Variants in ZNRF1 observed in about 807,000 individuals in gnomAD.
ZNRF1 encodes the protein zinc and ring finger 1, also known as E3 ubiquitin-protein ligase ZNRF1.
In ZNRF1, 3 loss-of-function variants were observed where a neutral mutation model predicts 18.4. The ratio of observed to expected loss-of-function variants is 0.16; its 90% CI spans 0.07 to 0.42. ZNRF1 has a LOEUF of 0.42. ZNRF1 is among the 10% of genes least tolerant of loss of function. ZNRF1 has a pLI of 0.99. For synonymous variants in ZNRF1, 157 were observed against 144.2 expected, an observed-to-expected ratio of 1.09 and a Z score of -0.64; for missense variants, 310 against 329.8, an observed-to-expected ratio of 0.94 and a Z score of 0.47.
intron 1 of ZNRF1, among the ~76,000 whole-genome samples, chr16:75,078,167 C>A (rs73614091): frequency 6.6e-6 from 1 of 151,990 alleles, no homozygotes; most frequent in Non-Finnish European, 1.5e-5. Context: ...AGGAAATTGC[C>A]CTTGGTCACA....
chr16:75,107,452 A>G (rs1332229306), intron 4 of ZNRF1: 3 of 291,314 alleles, frequency 1.0e-5, no homozygotes, highest in African/African-American at 6.8e-5. Flanking sequence ...GTAAACTCCC[A>G]GAACAGCTGA....
chr16:75,072,315 A>G (rs890844248), intron 1 of ZNRF1, among the ~76,000 whole-genome samples: 2 of 152,084 alleles, frequency 1.3e-5, no homozygotes, highest in African/African-American at 4.8e-5. Flanking sequence ...TCTTAAAAGA[A>G]TGCTTTCCTC....
intron 1 of ZNRF1, among the ~76,000 whole-genome samples, chr16:75,080,365 G>C (rs980298822): frequency 6.6e-6 from 1 of 152,220 alleles, no homozygotes; most frequent in Non-Finnish European, 1.5e-5. Context: ...TACAGTGCAA[G>C]GCAAATGGTT....
chr16:75,025,433 C>T (rs2035208514), intron 1 of ZNRF1, among the ~76,000 whole-genome samples: 2 of 152,102 alleles, frequency 1.3e-5, no homozygotes, highest in Non-Finnish European at 2.9e-5. Context: ...GAAATCTATT[C>T]ACAGCACACT....
rs1176169533 is a variant in ZNRF1, at chr16:75,103,769, G to A, written c.521-1015G>A. Among the ~76,000 whole-genome samples the A allele has an allele frequency of 2.0e-5, 3 of 152,174 alleles. No individual in the cohort carries two copies. The East Asian group carries it at 5.8e-4, about 29-fold the overall frequency. ...TGGGAGGCCAAGGTGGGTGGATCAC[G>A]AGGTCAGGAGTTCGAGACCAGCCCG... On this transcript the variant is annotated intron_variant, in intron 2 of 4. Transcript: ENST00000335325.
chr16:75,107,385 C>G (rs1486479520), intron 4 of ZNRF1: 7 of 212,146 alleles, frequency 3.3e-5, no homozygotes, highest in African/African-American at 1.7e-4. Flanking sequence ...TTCCCCCCTC[C>G]CTTTCTCTCT....
intron 1 of ZNRF1, among the ~76,000 whole-genome samples, chr16:75,065,503 C>T (rs1162151903): frequency 3.3e-5 from 5 of 152,122 alleles, no homozygotes; most frequent in African/African-American, 1.2e-4. Context: ...AGGTGTGGGG[C>T]GACTTGTTTT....
intron 1 of ZNRF1, among the ~76,000 whole-genome samples, chr16:75,065,584 G>C (rs914090386): frequency 6.6e-6 from 1 of 152,106 alleles, no homozygotes; most frequent in Non-Finnish European, 1.5e-5. Flanking sequence ...AAAGTTAAAG[G>C]TCTTATCCCT....
intron 1 of ZNRF1, among the ~76,000 whole-genome samples, chr16:75,011,435 G>C (rs1360199896): frequency 1.3e-5 from 2 of 152,018 alleles, no homozygotes; most frequent in Non-Finnish European, 2.9e-5. Context: ...GTCTCACTAT[G>C]TTGCCCAGGC....
At chr16:75,057,646 T>G (rs55665705) in intron 1 of ZNRF1, among the ~76,000 whole-genome samples, 4,614 of 152,240 alleles carry the variant, frequency 0.03, 201 homozygotes, top group African/African-American at 0.098. Context: ...TATTTTTCAT[T>G]TTTATTTTTT....
chr16:75,022,682 C>T (rs1036935331), intron 1 of ZNRF1, among the ~76,000 whole-genome samples: 2 of 152,218 alleles, frequency 1.3e-5, no homozygotes, highest in South Asian at 4.1e-4. Flanking sequence ...GCCACATTTT[C>T]AGTGCTCGGT....
In ZNRF1 at chr16:74,999,230, CG is replaced by C. The variant is rs2034799964; in HGVS notation, c.-437del. The C allele has an allele frequency of 6.8e-6, 1 of 146,932 alleles. No homozygotes were observed. The highest frequency in any genetic ancestry group is 1.5e-5 in the Non-Finnish European group (1 of 66,110). The allele number at this position is 146,932 out of a possible 1,614,324, so 9.1% of individuals were successfully genotyped here. On this transcript the variant is annotated 5_prime_UTR_variant, in exon 1 of 5. Coordinates refer to ENST00000335325, the MANE Select transcript of ZNRF1 (RefSeq NM_032268.5). ...CGTCCATGGTCGCGGCGTCCTGAGG[CG>C]GGGGACGCGCCCGGCGCCCCCGGCC...
At position 75,108,572 on chromosome 16, in the gene ZNRF1, A is replaced by G. The variant is rs2036343740; in HGVS notation, c.*872A>G. Reference sequence around the variant, plus strand: ...TTCACACGTGGCATCAGCCCATGCAAGATAGGTTTCTGTATTTATATATTA... The same window carrying G: ...TTCACACGTGGCATCAGCCCATGCAGGATAGGTTTCTGTATTTATATATTA... On this transcript the variant is annotated 3_prime_UTR_variant, in exon 5 of 5. Transcript: ENST00000335325. 2.5e-6 allele frequency: 1 copy of G among 398,792 alleles called. No individual in the cohort carries two copies. Among genetic ancestry groups the G allele is most frequent in the South Asian group, 1.3e-4 (1 of 7,864 alleles). The allele number at this position is 398,792 out of a possible 1,614,324, so 24.7% of individuals were successfully genotyped here.
intron 1 of ZNRF1, among the ~76,000 whole-genome samples, chr16:75,018,374 A>G (rs975939262): frequency 1.3e-5 from 2 of 152,166 alleles, no homozygotes; most frequent in African/African-American, 4.8e-5. Flanking sequence ...GCAAATAATG[A>G]CTGTTTTGTT....
At chr16:75,036,527 A>T (rs2035377566) in intron 1 of ZNRF1, among the ~76,000 whole-genome samples, 1 of 150,090 alleles carries the variant, frequency 6.7e-6, no homozygotes, top group Non-Finnish European at 1.5e-5. Flanking sequence ...TAAATTAATT[A>T]TCTTGCTTAT....
intron 3 of ZNRF1, 68 bp downstream of exon 3, chr16:75,104,957 C>T (rs1233359557): frequency 3.8e-6 from 5 of 1,310,924 alleles, no homozygotes; most frequent in East Asian, 2.5e-5. Context: ...CATCTCCAGC[C>T]ATTCTGTCTC....
At chr16:75,095,842 C>T (rs761509321) in intron 2 of ZNRF1, 88 of 1,270,544 alleles carry the variant, frequency 6.9e-5, no homozygotes, top group South Asian at 1.2e-4. Context: ...GAGTGCCTGG[C>T]GCTGTTGGTT....
chr16:75,014,603 C>A (rs943512194), intron 1 of ZNRF1, among the ~76,000 whole-genome samples: 2 of 152,036 alleles, frequency 1.3e-5, no homozygotes, highest in Non-Finnish European at 2.9e-5. Context: ...TCATTACATA[C>A]GTGAATGAGT....
intron 2 of ZNRF1, among the ~76,000 whole-genome samples, chr16:75,099,888 G>T (rs369968830): frequency 6.6e-6 from 1 of 152,204 alleles, no homozygotes; most frequent in African/African-American, 2.4e-5. Context: ...CCACTTCCCT[G>T]CTAGGCTCTC....
Sources: gnomAD v4.1 joint callset for allele counts (sites outside exome capture counted in the v4.1 genomes callset) on GRCh38, gnomAD v4.1.1 for gene constraint, MANE v1.5 for transcripts, NCBI Gene and HGNC (gene_info 2026-07-23, HGNC 2026-07-21) for gene names.